Variants in TASP1 observed in about 807,000 individuals in gnomAD.
TASP1 encodes threonine aspartase 1.
A neutral mutation model predicts 56.6 loss-of-function variants in TASP1; 16 were observed. The ratio of observed to expected loss-of-function variants is 0.28; its 90% CI spans 0.19 to 0.43. The LOEUF (loss-of-function observed/expected upper bound fraction) is 0.43. Ranked by LOEUF, TASP1 falls within the 20% of genes least tolerant of loss-of-function variation. The probability of loss-of-function intolerance (pLI) is 1.00; values close to 1 mark genes in which losing one functional copy is unlikely to be tolerated. For missense variants in TASP1, 393 were observed against 511.6 expected, an observed-to-expected ratio of 0.77 and a Z score of 2.24; for synonymous variants, 179 against 184.2, an observed-to-expected ratio of 0.97 and a Z score of 0.23.
chr20:13,211,358 T>C, the TASP1 span, among the ~76,000 whole-genome samples: 2 of 152,148 alleles, frequency 1.3e-5, no homozygotes, highest in African/African-American at 4.8e-5. Context: ...CAATTAAGAC[T>C]CTATTTTCAA....
intron 1 of TASP1, among the ~76,000 whole-genome samples, chr20:13,632,992 T>C (rs2049154323): frequency 6.6e-6 from 1 of 152,146 alleles, no homozygotes; most frequent in South Asian, 2.1e-4. Flanking sequence ...TATCAAAAAA[T>C]AACATATTTT....
chr20:13,513,120 A>C (rs374981241), intron 10 of TASP1, among the ~76,000 whole-genome samples: 1 of 151,828 alleles, frequency 6.6e-6, no homozygotes, highest in African/African-American at 2.4e-5. Context: ...TTAAAGTAGC[A>C]AACAGGAACA....
At chr20:13,395,283 C>A (rs77858739) in intron 13 of TASP1, among the ~76,000 whole-genome samples, 5,684 of 152,234 alleles carry the variant, frequency 0.037, 337 homozygotes, top group African/African-American at 0.13. Flanking sequence ...AAGTTGTTTG[C>A]ATGGGCATTT....
chr20:13,282,993 T>C, the TASP1 span, among the ~76,000 whole-genome samples: 1 of 152,210 alleles, frequency 6.6e-6, no homozygotes, highest in African/African-American at 2.4e-5. Flanking sequence ...CGGAATTCCA[T>C]ACAGCATCAG....
chr20:13,579,753 T>C (rs1020619568), intron 6 of TASP1, among the ~76,000 whole-genome samples: 1 of 152,198 alleles, frequency 6.6e-6, no homozygotes, highest in Non-Finnish European at 1.5e-5. Flanking sequence ...CACTGCTTTA[T>C]CAAAAACACA....
chr20:13,433,421 T>C (rs148298949), intron 12 of TASP1, among the ~76,000 whole-genome samples: 273 of 151,420 alleles, frequency 1.8e-3, no homozygotes, highest in African/African-American at 6.3e-3. Flanking sequence ...AGAAGAAAAC[T>C]AGTATTTGTC....
chr20:13,199,293 A>G, the TASP1 span, among the ~76,000 whole-genome samples: 1 of 151,802 alleles, frequency 6.6e-6, no homozygotes, highest in Non-Finnish European at 1.5e-5. Flanking sequence ...TATTCTTATT[A>G]TTTATAACTG....
the TASP1 span, among the ~76,000 whole-genome samples, chr20:13,229,835 T>A: frequency 6.6e-6 from 1 of 152,142 alleles, no homozygotes. Context: ...CAGAAATCCC[T>A]CTCTCTCTTC....
intron 3 of TASP1, 46 bp from the exon 4 acceptor site, chr20:13,623,560 C>G: frequency 7.6e-7 from 1 of 1,318,352 alleles, no homozygotes; most frequent in Non-Finnish European, 1.1e-6. Context: ...ATCACAACTT[C>G]TCAAACTTTC....
chr20:13,169,678 C>T, the TASP1 span, among the ~76,000 whole-genome samples: 4 of 152,110 alleles, frequency 2.6e-5, no homozygotes, highest in Admixed American at 6.5e-5. Flanking sequence ...TCTAATTGAT[C>T]CATTTTTTTT....
the TASP1 span, among the ~76,000 whole-genome samples, chr20:13,174,929 A>G: frequency 3.3e-5 from 5 of 152,154 alleles, no homozygotes; most frequent in Non-Finnish European, 1.5e-5. Context: ...ATAGTAGTGA[A>G]TAAGTCTCAC....
intron 11 of TASP1, among the ~76,000 whole-genome samples, chr20:13,480,240 A>C (rs1322064585): frequency 6.6e-6 from 1 of 152,224 alleles, no homozygotes; most frequent in Non-Finnish European, 1.5e-5. Flanking sequence ...ATTCTTAATA[A>C]AACTGCTGAA....
In TASP1 at chr20:13,418,237, C is replaced by T. The variant is rs115717327; in HGVS notation, c.1097-716G>A. Among the ~76,000 whole-genome samples, 242 of 152,180 alleles carry T rather than the reference C, an allele frequency of 1.6e-3. 2 individuals are homozygous for T. The highest frequency in any genetic ancestry group is 5.4e-3 in the African/African-American group (226 of 41,528). ...CTTAATTTCTAAATACCATTCTCTA[C>T]GAAAAAGAACCAGGATTCTTTGGAG... On this transcript the variant is annotated intron_variant, in intron 12 of 13. Coordinates refer to ENST00000337743, the MANE Select transcript of TASP1 (RefSeq NM_017714.3).
At chr20:13,294,898 C>T in the TASP1 span, among the ~76,000 whole-genome samples, 11 of 152,310 alleles carry the variant, frequency 7.2e-5, no homozygotes, top group African/African-American at 2.4e-4. Context: ...ACTCAAGTCA[C>T]AGAGCTCCTG....
chr20:13,583,224 C>T (rs911227731), intron 5 of TASP1, among the ~76,000 whole-genome samples: 3 of 152,174 alleles, frequency 2.0e-5, no homozygotes, highest in African/African-American at 7.2e-5. Context: ...AGGTTTAATT[C>T]TCACAGCATC....
At chr20:13,340,887 A>G in the TASP1 span, among the ~76,000 whole-genome samples, 2 of 152,240 alleles carry the variant, frequency 1.3e-5, no homozygotes, top group Non-Finnish European at 2.9e-5. Context: ...CATTAATTGA[A>G]TTCTCATTTT....
the TASP1 span, among the ~76,000 whole-genome samples, chr20:13,339,459 C>G: frequency 6.6e-6 from 1 of 152,168 alleles, no homozygotes; most frequent in Non-Finnish European, 1.5e-5. Context: ...GCCACTTTGT[C>G]AATTAAAGCT....
intron 8 of TASP1, among the ~76,000 whole-genome samples, chr20:13,549,748 T>C (rs186486230): frequency 1.3e-5 from 2 of 152,222 alleles, no homozygotes; most frequent in Admixed American, 1.3e-4. Context: ...ATACACAAGA[T>C]CAGCTGGGAC....
chr20:13,247,211 A>G, the TASP1 span, among the ~76,000 whole-genome samples: 1 of 152,168 alleles, frequency 6.6e-6, no homozygotes, highest in Non-Finnish European at 1.5e-5. Context: ...AGCCTGGGCA[A>G]AAAAATGTGA....
Sources: allele counts gnomAD v4.1 joint callset (sites outside exome capture counted in the v4.1 genomes callset), GRCh38; gene constraint gnomAD v4.1.1; transcripts MANE v1.5; gene names NCBI Gene and HGNC (gene_info 2026-07-23, HGNC 2026-07-21).